The following CPT1C variants were observed in gnomAD, a reference collection of about 807,000 sequenced individuals.
CPT1C encodes the protein palmitoyl thioesterase CPT1C.
Under a neutral mutation model 97.3 loss-of-function variants are expected in CPT1C, and 61 were observed. The ratio of observed to expected loss-of-function variants is 0.63; its 90% CI spans 0.51 to 0.78. CPT1C has a LOEUF of 0.78. Among genes scored for constraint, CPT1C ranks in the 30% least tolerant of loss-of-function variants. CPT1C has a pLI of 0.00. For synonymous variants in CPT1C, 469 were observed against 447.2 expected, an observed-to-expected ratio of 1.05 and a Z score of -0.61; for missense variants, 975 against 1,065.5, an observed-to-expected ratio of 0.92 and a Z score of 1.18.
intron 13 of CPT1C, 136 bp downstream of exon 13, chr19:49,707,759 T>C: frequency 1.8e-6 from 1 of 557,870 alleles, no homozygotes; most frequent in Non-Finnish European, 3.1e-6. Flanking sequence ...TCCCAGCATT[T>C]TGGGAGGCCG....
chr19:49,703,591 C>CCCTCCCTT (rs1311440399), intron 7 of CPT1C, among the ~76,000 whole-genome samples: 5 of 68,380 alleles, frequency 7.3e-5, no homozygotes, highest in Admixed American at 1.4e-4. Context: ...CTCCCTCCCT[C>CCCTCCCTT]CCTCCCTTCC....
In CPT1C at chr19:49,712,952, T is replaced by A; in HGVS notation, c.2134-20T>A. 6.2e-7 allele frequency: 1 copy of A among 1,610,800 alleles called. No homozygotes were observed. The highest frequency in any genetic ancestry group is 8.5e-7 in the Non-Finnish European group (1 of 1,177,032). On this transcript the variant is annotated intron_variant, in intron 18 of 19. Coordinates refer to ENST00000598293, the MANE Select transcript of CPT1C (RefSeq NM_001199753.2). ...AGGGGACCGGAGCTATTTTCTTCCCTTCACTCTTTCCGTCTCCAGGCTGAT... is the reference window on the plus strand; with the variant it reads ...AGGGGACCGGAGCTATTTTCTTCCCATCACTCTTTCCGTCTCCAGGCTGAT...
chr19:49,701,953 A>T (rs1308907064), intron 7 of CPT1C, among the ~76,000 whole-genome samples: 3 of 78,192 alleles, frequency 3.8e-5, no homozygotes, highest in South Asian at 7.1e-4. Flanking sequence ...TTTATATATA[A>T]ATATATTTAT....
chr19:49,711,725 C>A, intron 16 of CPT1C, 84 bp from the exon 17 acceptor site: 1 of 1,413,898 alleles, frequency 7.1e-7, no homozygotes, highest in Non-Finnish European at 9.6e-7. Flanking sequence ...GTGGCAAACT[C>A]AGTTGAGGCC....
At chr19:49,696,207 A>T (rs997839973) in intron 3 of CPT1C, among the ~76,000 whole-genome samples, 1 of 152,094 alleles carries the variant, frequency 6.6e-6, no homozygotes, top group African/African-American at 2.4e-5. Context: ...GTAAAATGAG[A>T]TCATCTTAGT....
chr19:49,692,476 A>T (rs1488812228), intron 3 of CPT1C, 83 bp downstream of exon 3: 1 of 1,531,416 alleles, frequency 6.5e-7, no homozygotes, highest in Non-Finnish European at 8.9e-7. Context: ...CCGGCATTTC[A>T]GCTGGTTCAT....
At chr19:49,700,998 C>A in intron 5 of CPT1C, 143 bp downstream of exon 5, 1 of 852,614 alleles carries the variant, frequency 1.2e-6, no homozygotes, top group Non-Finnish European at 1.8e-6. Context: ...GGTCTCTGTC[C>A]TCCTCTGTCC....
chr19:49,705,015 G>T lies in CPT1C; in HGVS notation c.780G>T (p.Leu260=), dbSNP rs770092727. 2 of 1,596,360 alleles carry T rather than the reference G, an allele frequency of 1.3e-6. No individual in the cohort carries two copies. Among genetic ancestry groups the T allele is most frequent in the Admixed American group, 3.4e-5 (2 of 59,022 alleles). ...CCTCTCCTGGTCCCCAGGACTTCCT[G>T]TATGTCACACCCACGCCTCTGCAGG... The part of the protein sequence containing the change: ...VNSNYYMMDF[L]YVTPTPLQAA... Residue 260 remains leucine (L), a synonymous_variant, in exon 9 of 20, where the codon CTG becomes CTT. Transcript: ENST00000598293.
chr19:49,709,122 T>A (rs2083687962), intron 14 of CPT1C, among the ~76,000 whole-genome samples: 1 of 150,092 alleles, frequency 6.7e-6, no homozygotes, highest in East Asian at 2.0e-4. Context: ...ACCACCACTG[T>A]CCAACCCCAG....
chr19:49,712,662 C>A, intron 17 of CPT1C, 74 bp from the exon 18 acceptor site: 2 of 1,104,388 alleles, frequency 1.8e-6, no homozygotes, highest in Non-Finnish European at 1.4e-6. Context: ...GCCAGGGATG[C>A]AGGGAGTGAA....
chr19:49,702,859 A>G (rs2083262332), intron 7 of CPT1C, among the ~76,000 whole-genome samples: 1 of 151,808 alleles, frequency 6.6e-6, no homozygotes, highest in Non-Finnish European at 1.5e-5. Context: ...TAGGTCATTG[A>G]GACACTGGGC....
chr19:49,701,604 G>C lies in CPT1C; in HGVS notation c.663G>C (p.Leu221=). 6.2e-7 allele frequency: 1 copy of C among 1,609,152 alleles called. No homozygotes were observed. The highest frequency in any genetic ancestry group is 8.5e-7 in the Non-Finnish European group (1 of 1,176,954). Residue 221 remains leucine (L), a synonymous_variant, in exon 7 of 20, where the codon CTG becomes CTC. Coordinates refer to ENST00000598293, the MANE Select transcript of CPT1C (RefSeq NM_001199753.2). ...AGGCGTCGCTGCTGCAGTGGTACCT[G>C]CGGCTCAAGTCCTGGTGGGCGTCCA... ...RLQASLLQWY[L]RLKSWWASNY...
At chr19:49,694,693 T>C (rs1165933001) in intron 3 of CPT1C, among the ~76,000 whole-genome samples, 1 of 151,414 alleles carries the variant, frequency 6.6e-6, no homozygotes, top group African/African-American at 2.4e-5. Flanking sequence ...GCTGGGATGC[T>C]TCAGCAGGCT....
chr19:49,695,024 C>T (rs1446465041), intron 3 of CPT1C, among the ~76,000 whole-genome samples: 1 of 151,172 alleles, frequency 6.6e-6, no homozygotes, highest in Non-Finnish European at 1.5e-5. Flanking sequence ...ACCTGTAGTC[C>T]CAGCTACTTG....
rs369725579 is a variant in CPT1C, at chr19:49,695,001, C to T, written c.142-2325C>T. 2.0e-4 allele frequency among the ~76,000 whole-genome samples: 31 copies of T among 151,412 alleles called. No homozygotes were observed. The East Asian group carries it at 5.2e-3, about 26-fold the overall frequency. On this transcript the variant is annotated intron_variant, in intron 3 of 19. Transcript: ENST00000598293. The stretch of plus-strand genomic sequence containing the variant: ...TAAACATACAAAAAAATTAGCTGGG[C>T]GTGGTGGCAGTCACCTGTAGTCCCA...
At position 49,695,651 on chromosome 19, in the gene CPT1C, C is replaced by T. The variant is rs188314340; in HGVS notation, c.142-1675C>T. Among the ~76,000 whole-genome samples, 132 of 137,156 alleles carry T rather than the reference C, an allele frequency of 9.6e-4. 2 individuals are homozygous for T. The East Asian group carries it at 0.029, about 30-fold the overall frequency. The allele number at this position is 137,156 out of a possible 152,430, so 90.0% of individuals were successfully genotyped here. A position where few individuals can be genotyped will look rare whatever the true frequency, so the allele number is the denominator to read the frequency against. On this transcript the variant is annotated intron_variant, in intron 3 of 19. Coordinates refer to ENST00000598293, the MANE Select transcript of CPT1C (RefSeq NM_001199753.2). ...CCAGGCTGGAGTGCAGTGGCGTGAT[C>T]TCGACTTACTGCAACCTCTGCCTCC...
In CPT1C at chr19:49,710,727, G is replaced by C. The variant is rs1019515406; in HGVS notation, c.1736G>C (p.Arg579Thr). 1.9e-6 allele frequency: 3 copies of C among 1,612,272 alleles called. No individual in the cohort carries two copies. Among genetic ancestry groups the C allele is most frequent in the Non-Finnish European group, 2.5e-6 (3 of 1,178,598 alleles). ...IALQLAHFRD[R>T]GQFCLTYESA... ...CTTCTCCTCCCTGTCCCCCAGGACA[G>C]GGGTCAATTCTGCCTGACTTATGAG... is the stretch of plus-strand genomic sequence containing the variant. Residue 579 changes from arginine to threonine, a missense_variant, in exon 16 of 20, where the codon AGG (arginine) becomes ACG (threonine). Physicochemically the swap from Arg to Thr is moderately conservative, Grantham distance 71 (BLOSUM62 -1). Transcript: ENST00000598293.
intron 16 of CPT1C, 109 bp from the exon 17 acceptor site, chr19:49,711,700 C>T (rs2083897281): frequency 3.4e-6 from 4 of 1,161,226 alleles, no homozygotes; most frequent in East Asian, 4.8e-5. Context: ...GTTGATATTC[C>T]CACCTTGCAG....
At chr19:49,692,948 G>A (rs2082437365) in intron 3 of CPT1C, among the ~76,000 whole-genome samples, 1 of 152,212 alleles carries the variant, frequency 6.6e-6, no homozygotes, top group African/African-American at 2.4e-5. Flanking sequence ...CTGGAATGCA[G>A]TGGGGTGATC....
Sources: allele counts gnomAD v4.1 joint callset (sites outside exome capture counted in the v4.1 genomes callset), GRCh38; gene constraint gnomAD v4.1.1; transcripts MANE v1.5; gene names NCBI Gene and HGNC (gene_info 2026-07-23, HGNC 2026-07-21).